The following ABAT variants were observed in gnomAD, a reference collection of about 807,000 sequenced individuals.
ABAT encodes the protein 4-aminobutyrate aminotransferase, also known as 4-aminobutyrate aminotransferase, mitochondrial.
ABAT carries 45 observed loss-of-function variants against 64.6 expected under a neutral mutation model. That is an observed-to-expected ratio of 0.70 (90% CI 0.55 to 0.89). ABAT has a LOEUF of 0.89. Among genes scored for constraint, ABAT ranks in the 40% least tolerant of loss-of-function variants. The pLI, the probability that ABAT is intolerant of heterozygous loss-of-function variation, is 0.00. For synonymous variants in ABAT, 297 were observed against 250.5 expected, an observed-to-expected ratio of 1.19 and a Z score of -1.75; for missense variants, 633 against 658.4, an observed-to-expected ratio of 0.96 and a Z score of 0.42.
intron 1 of ABAT, among the ~76,000 whole-genome samples, chr16:8,721,603 G>C (rs1459354057): frequency 6.6e-6 from 1 of 152,204 alleles, no homozygotes; most frequent in African/African-American, 2.4e-5. Context: ...CAATCCTGCA[G>C]ATTACCGAAA....
At chr16:8,724,731 GAAAAAAAAAAAAAACAAAAAA>G (rs772473842) in intron 1 of ABAT, among the ~76,000 whole-genome samples, 57 of 73,204 alleles carry the variant, frequency 7.8e-4, no homozygotes, top group African/African-American at 2.0e-3. Flanking sequence ...CTTGTCTCAG[GAAAAAAAAAAAAAACAAAAAA>G]AAAAAAAAAA....
intron 1 of ABAT, among the ~76,000 whole-genome samples, chr16:8,726,591 G>T (rs186127612): frequency 6.6e-6 from 1 of 152,274 alleles, no homozygotes; most frequent in African/African-American, 2.4e-5. Context: ...CCATTCATCT[G>T]TTATTGGACA....
chr16:8,725,314 C>G (rs1336622189), intron 1 of ABAT, among the ~76,000 whole-genome samples: 2 of 152,188 alleles, frequency 1.3e-5, no homozygotes, highest in African/African-American at 2.4e-5. Flanking sequence ...CCACCGCTAT[C>G]TAATTCCAGA....
chr16:8,691,023 A>C (rs957050994), intron 1 of ABAT, among the ~76,000 whole-genome samples: 3 of 151,294 alleles, frequency 2.0e-5, no homozygotes, highest in Non-Finnish European at 2.9e-5. Flanking sequence ...GAATTTTTAG[A>C]ATAAGTATTG....
chr16:8,768,991 C>T lies in ABAT; in HGVS notation c.816+18C>T, dbSNP rs770606061. 2.9e-5 allele frequency: 46 copies of T among 1,613,642 alleles called. 2 individuals are homozygous for T. The highest frequency in any genetic ancestry group is 4.5e-5 in the East Asian group (2 of 44,878). Reference sequence around the variant, plus strand: ...TGGAAGAGGTAATGCTCATACCCTGCGGATCCTCCCCAACCACCAGTCCTG... The same window carrying T: ...TGGAAGAGGTAATGCTCATACCCTGTGGATCCTCCCCAACCACCAGTCCTG... On this transcript the variant is annotated intron_variant, in intron 11 of 15. Transcript: ENST00000268251.
intron 5 of ABAT, among the ~76,000 whole-genome samples, chr16:8,756,074 A>G (rs2059641568): frequency 6.6e-6 from 1 of 151,580 alleles, no homozygotes; most frequent in Non-Finnish European, 1.5e-5. Flanking sequence ...TTAGCCAGGC[A>G]TGGTGGCACA....
chr16:8,674,716 G>A lies in ABAT; in HGVS notation c.-42+5G>A, dbSNP rs2057152334. ...GATCGGAGACGGGGCCTGGAGGTGA[G>A]CGCGAGGCGCCGGGTGGCTTGGGAC... On this transcript the variant is annotated splice_donor_5th_base_variant and intron_variant, in intron 1 of 15. Transcript: ENST00000268251. 1 of 152,296 alleles carries A rather than the reference G, an allele frequency of 6.6e-6. No individual in the cohort carries two copies. The highest frequency in any genetic ancestry group is 2.1e-4 in the South Asian group (1 of 4,836). 9.4% of individuals were successfully genotyped at this position (152,296 alleles called of 1,614,324 possible).
At chr16:8,767,327 G>A (rs1023578127) in intron 9 of ABAT, among the ~76,000 whole-genome samples, 3 of 152,192 alleles carry the variant, frequency 2.0e-5, no homozygotes, top group East Asian at 1.9e-4. Context: ...CCCCTCACCC[G>A]CTTTCTAGCA....
intron 6 of ABAT, among the ~76,000 whole-genome samples, chr16:8,759,119 AT>A (rs2059726820): frequency 1.3e-5 from 2 of 151,954 alleles, no homozygotes; most frequent in African/African-American, 4.8e-5. Flanking sequence ...AATAATAATA[AT>A]AATAATAAAT....
At chr16:8,721,303 G>C (rs1346958327) in intron 1 of ABAT, among the ~76,000 whole-genome samples, 1 of 152,146 alleles carries the variant, frequency 6.6e-6, no homozygotes, top group Non-Finnish European at 1.5e-5. Flanking sequence ...TTGACCTCCA[G>C]TTCCAGGGAT....
intron 3 of ABAT, 68 bp downstream of exon 3, chr16:8,746,166 A>G (rs1273482749): frequency 1.2e-5 from 14 of 1,192,760 alleles, no homozygotes; most frequent in Non-Finnish European, 1.6e-5. Flanking sequence ...GCAAAAGCAC[A>G]GCCAAGCTTA....
rs150364609 is a variant in ABAT at position 8,783,500 on chromosome 16, G to C, written c.*2070G>C. On this transcript the variant is annotated 3_prime_UTR_variant, in exon 16 of 16. Coordinates refer to ENST00000268251, the MANE Select transcript of ABAT (RefSeq NM_020686.6). ...GAGCCAGAGTTCACCAAGCAGGCAAGGCAAGGAAGGGTGTTGCAGAGAGGG... is the reference window on the plus strand; with the variant it reads ...GAGCCAGAGTTCACCAAGCAGGCAACGCAAGGAAGGGTGTTGCAGAGAGGG... 57 of 152,358 alleles carry C rather than the reference G, an allele frequency of 3.7e-4. No homozygotes were observed. Among genetic ancestry groups the C allele is most frequent in the African/African-American group, 1.3e-3 (54 of 41,566 alleles). 9.4% of individuals were successfully genotyped at this position (152,358 alleles called of 1,614,324 possible). A position where few individuals can be genotyped will look rare whatever the true frequency, so the allele number is the denominator to read the frequency against.
Position 8,766,249 on chromosome 16 carries a change from G to A in ABAT, c.582G>A (p.Leu194=). The change falls in exon 9 of 16, where the codon CTG becomes CTA. Residue 194 remains leucine (L), a synonymous_variant. Transcript: ENST00000268251. ...RGQRGFSQEE[L]ETCMINQAPG... is the part of the protein sequence containing the mutation. The stretch of plus-strand genomic sequence containing the variant: ...AGAGGGGCTTCTCCCAGGAGGAGCT[G>A]GAGACGTGCATGATTAACCAGGTGA... 1 of 1,614,126 alleles carries A rather than the reference G, an allele frequency of 6.2e-7. No homozygotes were observed. The highest frequency in any genetic ancestry group is 8.5e-7 in the Non-Finnish European group (1 of 1,179,978).
chr16:8,722,978 C>A, intron 1 of ABAT: 2 of 761,520 alleles, frequency 2.6e-6, no homozygotes, highest in Non-Finnish European at 1.9e-6. Flanking sequence ...GTGGCTCATG[C>A]CTGTAATTCC....
At chr16:8,680,730 C>G (rs551887848) in intron 1 of ABAT, among the ~76,000 whole-genome samples, 2 of 152,186 alleles carry the variant, frequency 1.3e-5, no homozygotes, top group Admixed American at 6.5e-5. Flanking sequence ...GCCCGACCTC[C>G]ATTTTTTGAT....
intron 1 of ABAT, among the ~76,000 whole-genome samples, chr16:8,719,029 T>A (rs949696770): frequency 1.6e-4 from 24 of 152,168 alleles, no homozygotes; most frequent in African/African-American, 5.1e-4. Context: ...GTGAAAGTGG[T>A]TTGTTTTCTC....
intron 1 of ABAT, among the ~76,000 whole-genome samples, chr16:8,719,950 T>C (rs1197545057): frequency 6.6e-6 from 1 of 152,196 alleles, no homozygotes; most frequent in African/African-American, 2.4e-5. Flanking sequence ...TAGCTGGAAC[T>C]ACAGGCACCT....
intron 13 of ABAT, among the ~76,000 whole-genome samples, chr16:8,775,332 G>A (rs956718596): frequency 4.6e-5 from 7 of 152,190 alleles, no homozygotes; most frequent in Non-Finnish European, 2.9e-5. Context: ...AGCAGACTGA[G>A]CATTTGCTAT....
intron 4 of ABAT, among the ~76,000 whole-genome samples, chr16:8,749,058 A>G (rs1006608026): frequency 2.0e-5 from 3 of 148,016 alleles, no homozygotes; most frequent in Non-Finnish European, 4.5e-5. Flanking sequence ...GTTGTTCTCT[A>G]TATGTCTTCT....
Sources: allele counts gnomAD v4.1 joint callset (sites outside exome capture counted in the v4.1 genomes callset), GRCh38; gene constraint gnomAD v4.1.1; transcripts MANE v1.5; gene names NCBI Gene and HGNC (gene_info 2026-07-23, HGNC 2026-07-21).